The following EDN1 variants were observed in gnomAD, a reference collection of about 807,000 sequenced individuals.
The protein encoded by EDN1 is endothelin-1.
EDN1 carries 11 observed loss-of-function variants against 21.7 expected under a neutral mutation model. The ratio of observed to expected loss-of-function variants is 0.51; its 90% confidence interval spans 0.32 to 0.84. The LOEUF is 0.84. EDN1 is among the 40% of genes least tolerant of loss of function. The pLI is 0.03. For missense variants in EDN1, 244 were observed against 262.3 expected, an observed-to-expected ratio of 0.93 and a Z score of 0.48; for synonymous variants, 85 against 90.6, an observed-to-expected ratio of 0.94 and a Z score of 0.35.
At chr6:12,233,118 C>T in the EDN1 span, among the ~76,000 whole-genome samples, 1 of 152,188 alleles carries the variant, frequency 6.6e-6, no homozygotes, top group Non-Finnish European at 1.5e-5. Context: ...AGGGGTATTT[C>T]CCACAAAAGC....
At chr6:12,280,712 T>C in the EDN1 span, among the ~76,000 whole-genome samples, 2 of 152,092 alleles carry the variant, frequency 1.3e-5, no homozygotes, top group African/African-American at 4.8e-5. Flanking sequence ...CTGGCCAACA[T>C]GACAAAACCC....
the EDN1 span, among the ~76,000 whole-genome samples, chr6:12,274,777 C>T: frequency 6.6e-6 from 1 of 152,314 alleles, no homozygotes; most frequent in African/African-American, 2.4e-5. Context: ...TGTCCGAGGA[C>T]AAATAGCTAG....
At chr6:12,275,403 C>A in the EDN1 span, among the ~76,000 whole-genome samples, 3 of 152,240 alleles carry the variant, frequency 2.0e-5, no homozygotes, top group East Asian at 3.9e-4. Context: ...ACACATATTT[C>A]TTTTGTTACA....
Position 12,296,564 on chromosome 6 carries a change from G to T in EDN1, c.*497G>T. On this transcript the variant is annotated 3_prime_UTR_variant, in exon 5 of 5. Transcript: ENST00000379375. ...AAAGAAAAAAAAAAGAAAGACTTTT[G>T]TTTAAATTTGTAAAATGCAAAACTG... 1 of 161,110 alleles carries T rather than the reference G, an allele frequency of 6.2e-6. No individual in the cohort carries two copies. The highest frequency in any genetic ancestry group is 1.7e-4 in the East Asian group (1 of 5,766). The allele number at this position is 161,110 out of a possible 1,614,324, so 10.0% of individuals were successfully genotyped here. A position where few individuals can be genotyped will look rare whatever the true frequency, so the allele number is the denominator to read the frequency against.
chr6:12,256,991 T>C, the EDN1 span, among the ~76,000 whole-genome samples: 1 of 151,964 alleles, frequency 6.6e-6, no homozygotes, highest in African/African-American at 2.4e-5. Flanking sequence ...AAAACTAAAA[T>C]CATGTACAAC....
chr6:12,272,519 G>A, the EDN1 span, among the ~76,000 whole-genome samples: 1 of 144,130 alleles, frequency 6.9e-6, no homozygotes, highest in South Asian at 2.2e-4. Context: ...GTGCAAAGGT[G>A]TGATCTTGGT....
chr6:12,280,271 G>A, the EDN1 span, among the ~76,000 whole-genome samples: 1 of 152,152 alleles, frequency 6.6e-6, no homozygotes, highest in Non-Finnish European at 1.5e-5. Flanking sequence ...AGCAGCAGGA[G>A]CCTGCTTTTT....
At chr6:12,248,482 T>G in the EDN1 span, among the ~76,000 whole-genome samples, 3 of 152,202 alleles carry the variant, frequency 2.0e-5, no homozygotes, top group African/African-American at 7.2e-5. Context: ...TTCTCCTATA[T>G]GCAAAGAACA....
the EDN1 span, among the ~76,000 whole-genome samples, chr6:12,281,953 TA>T: frequency 6.5e-4 from 99 of 152,018 alleles, 2 homozygotes; most frequent in East Asian, 3.9e-4. Flanking sequence ...TAGATTAGAT[TA>T]AAAAAAATGA....
At chr6:12,261,620 A>C in the EDN1 span, among the ~76,000 whole-genome samples, 1 of 152,226 alleles carries the variant, frequency 6.6e-6, no homozygotes, top group East Asian at 1.9e-4. Context: ...GATACAGAAC[A>C]CTTCCCCTAA....
the EDN1 span, among the ~76,000 whole-genome samples, chr6:12,264,155 G>A: frequency 1.4e-4 from 22 of 152,270 alleles, no homozygotes; most frequent in Non-Finnish European, 3.1e-4. Flanking sequence ...GTAGGTCTTT[G>A]CTCATCAAGA....
chr6:12,291,241 C>T (rs911368076), intron 1 of EDN1, among the ~76,000 whole-genome samples: 1 of 149,090 alleles, frequency 6.7e-6, no homozygotes. Context: ...CCACCACCCC[C>T]CGCAGGCGGT....
At chr6:12,287,588 T>C (rs1022729261), upstream of EDN1, among the ~76,000 whole-genome samples, 2 of 151,638 alleles carry the variant, frequency 1.3e-5, no homozygotes, top group African/African-American at 4.8e-5. Context: ...AATGGAGAGA[T>C]GGACAGAGAA....
In EDN1 at chr6:12,291,225, C is replaced by T. The variant is rs141448964; in HGVS notation, c.64+532C>T. ...GTTGACTAACTACCGCCTCCCCCCCCCCCCGCCACCACCCCCCGCAGGCGG... is the reference window on the plus strand; with the variant it reads ...GTTGACTAACTACCGCCTCCCCCCCTCCCCGCCACCACCCCCCGCAGGCGG... On this transcript the variant is annotated intron_variant, in intron 1 of 4. Transcript: ENST00000379375. 5.2e-4 allele frequency among the ~76,000 whole-genome samples: 52 copies of T among 99,672 alleles called. 1 individual carries two copies. Among genetic ancestry groups the T allele is most frequent in the South Asian group, 3.4e-3 (9 of 2,664 alleles). The allele number at this position is 99,672 out of a possible 152,430, so 65.4% of individuals were successfully genotyped here.
chr6:12,245,791 G>T, the EDN1 span, among the ~76,000 whole-genome samples: 1 of 152,204 alleles, frequency 6.6e-6, no homozygotes, highest in South Asian at 2.1e-4. Flanking sequence ...TGATTATTTG[G>T]AGATTTAGGC....
the EDN1 span, among the ~76,000 whole-genome samples, chr6:12,245,743 G>A: frequency 3.3e-5 from 5 of 152,174 alleles, no homozygotes; most frequent in African/African-American, 1.2e-4. Flanking sequence ...CTTGGCCAAG[G>A]AGCCTGCCAG....
At chr6:12,258,172 G>A in the EDN1 span, among the ~76,000 whole-genome samples, 3 of 151,932 alleles carry the variant, frequency 2.0e-5, no homozygotes, top group Admixed American at 2.0e-4. Context: ...TTGAAAAGCT[G>A]GCTGGGTGTG....
At chr6:12,277,259 A>G in the EDN1 span, among the ~76,000 whole-genome samples, 487 of 152,330 alleles carry the variant, frequency 3.2e-3, 7 homozygotes, top group African/African-American at 0.011. Context: ...TTGGGAAGGA[A>G]GGGTTGAAGA....
chr6:12,281,196 T>A, the EDN1 span, among the ~76,000 whole-genome samples: 2 of 152,206 alleles, frequency 1.3e-5, no homozygotes. Flanking sequence ...CAAATTAGCA[T>A]CTCTTCCATA....
Sources: gnomAD v4.1 joint callset for allele counts (sites outside exome capture counted in the v4.1 genomes callset) on GRCh38, gnomAD v4.1.1 for gene constraint, MANE v1.5 for transcripts, NCBI Gene and HGNC (gene_info 2026-07-23, HGNC 2026-07-21) for gene names.